The following FUT8 variants were observed in gnomAD, a reference collection of about 807,000 sequenced individuals.
FUT8 encodes alpha-(1,6)-fucosyltransferase.
Under a neutral mutation model 71.3 loss-of-function variants are expected in FUT8, and 29 were observed. That is an observed-to-expected ratio of 0.41 (90% CI 0.30 to 0.55). The LOEUF (loss-of-function observed/expected upper bound fraction) is 0.55, where lower values mean the gene tolerates loss of function less well. Among genes scored for constraint, FUT8 ranks in the 20% least tolerant of loss-of-function variants. The pLI, the probability that FUT8 is intolerant of heterozygous loss-of-function variation, is 0.34. For synonymous variants in FUT8, 254 were observed against 239.3 expected, an observed-to-expected ratio of 1.06 and a Z score of -0.57; for missense variants, 544 against 702.1, an observed-to-expected ratio of 0.77 and a Z score of 2.55.
At chr14:65,424,539 C>CTTTTTTTTTTTTTTTTTTTTTTTTTTT (rs796843891) in intron 1 of FUT8, among the ~76,000 whole-genome samples, 1 of 125,448 alleles carries the variant, frequency 8.0e-6, no homozygotes. Context: ...CTTTTCTTTT[C>CTTTTTTTTTTTTTTTTTTTTTTTTTTT]TTTTTTTTTT....
At chr14:65,383,864 CCT>C in the FUT8 span, among the ~76,000 whole-genome samples, 3 of 152,180 alleles carry the variant, frequency 2.0e-5, no homozygotes, top group Admixed American at 1.3e-4. Flanking sequence ...AAAGTGGGAA[CCT>C]CTTATCTTCC....
intron 2 of FUT8, among the ~76,000 whole-genome samples, chr14:65,482,586 G>A (rs1414133702): frequency 2.6e-5 from 4 of 152,028 alleles, no homozygotes; most frequent in Admixed American, 2.6e-4. Context: ...TGATTTCTTT[G>A]TCTTTCTTGA....
intron 2 of FUT8, among the ~76,000 whole-genome samples, chr14:65,477,448 A>G (rs1470308166): frequency 6.6e-6 from 1 of 152,184 alleles, no homozygotes; most frequent in Non-Finnish European, 1.5e-5. Flanking sequence ...TTAGTCATTT[A>G]TTCATTGAGC....
intron 2 of FUT8, among the ~76,000 whole-genome samples, chr14:65,537,474 G>A (rs1478901559): frequency 3.3e-5 from 5 of 151,958 alleles, no homozygotes; most frequent in East Asian, 3.9e-4. Context: ...TGTAAGCTCC[G>A]CCTCCCAGGT....
At chr14:65,407,990 T>C (rs1007423859), upstream of FUT8, among the ~76,000 whole-genome samples, 2 of 152,160 alleles carry the variant, frequency 1.3e-5, no homozygotes, top group African/African-American at 4.8e-5. Context: ...CAGTTTATCC[T>C]GGTCCTAATG....
In FUT8 at chr14:65,615,969, A is replaced by G. The variant is rs775852967; in HGVS notation, c.204-9A>G. On this transcript the variant is annotated splice_polypyrimidine_tract_variant and intron_variant, in intron 3 of 10. Coordinates refer to ENST00000673929, the MANE Select transcript of FUT8 (RefSeq NM_001371533.1). ...GCTAAATGTTTACATTATCTTCCCT[A>G]AACTACAGGATACCAGAAGGCCCTA... 45 of 1,586,878 alleles carry G rather than the reference A, an allele frequency of 2.8e-5. No homozygotes were observed. The highest frequency in any genetic ancestry group is 3.8e-5 in the Non-Finnish European group (44 of 1,161,638).
intron 3 of FUT8, among the ~76,000 whole-genome samples, chr14:65,593,994 G>A (rs1483973258): frequency 6.6e-6 from 1 of 152,236 alleles, no homozygotes; most frequent in African/African-American, 2.4e-5. Context: ...ACAGGCATGA[G>A]CCACTGCTCC....
intron 3 of FUT8, among the ~76,000 whole-genome samples, chr14:65,591,830 T>C (rs928165496): frequency 4.0e-5 from 6 of 151,258 alleles, no homozygotes; most frequent in Non-Finnish European, 8.9e-5. Flanking sequence ...TATTGAAGCA[T>C]TGAAGCAGGC....
At chr14:65,563,354 A>G (rs1886018652) in intron 3 of FUT8, among the ~76,000 whole-genome samples, 1 of 152,036 alleles carries the variant, frequency 6.6e-6, no homozygotes, top group Non-Finnish European at 1.5e-5. Flanking sequence ...AGATGTTAGT[A>G]CCATTTTTGT....
chr14:65,435,934 T>A (rs1418429963), intron 1 of FUT8, among the ~76,000 whole-genome samples: 1 of 150,924 alleles, frequency 6.6e-6, no homozygotes, highest in African/African-American at 2.4e-5. Context: ...TTTTTTTTTT[T>A]TTTTTTCTTT....
chr14:65,424,353 CAG>C (rs1359023198), intron 1 of FUT8, among the ~76,000 whole-genome samples: 11 of 152,066 alleles, frequency 7.2e-5, no homozygotes, highest in African/African-American at 2.7e-4. Flanking sequence ...TCTTTTGAGA[CAG>C]GGTTTCTCTC....
At chr14:65,378,251 C>A in the FUT8 span, among the ~76,000 whole-genome samples, 4 of 152,144 alleles carry the variant, frequency 2.6e-5, no homozygotes, top group Middle Eastern at 3.4e-3. Context: ...AGGTGAGCTG[C>A]TAAGAAAGAG....
At chr14:65,529,094 C>G (rs891642041) in intron 2 of FUT8, 27 of 163,172 alleles carry the variant, frequency 1.7e-4, no homozygotes, top group Admixed American at 8.5e-4. Flanking sequence ...ATGACATAAC[C>G]TCTTTACACC....
rs2066448899 is a variant in FUT8, at chr14:65,489,128, C to G, written c.-228+33410C>G. Among the ~76,000 whole-genome samples, 1 of 152,082 alleles carries G rather than the reference C, an allele frequency of 6.6e-6. No homozygotes were observed. The highest frequency in any genetic ancestry group is 1.5e-5 in the Non-Finnish European group (1 of 67,994). On this transcript the variant is annotated intron_variant, in intron 2 of 10. Transcript: ENST00000673929. The surrounding 1 kb of genome is among the most constrained non-coding windows in gnomAD (Gnocchi z 4.0). Reference sequence around the variant, plus strand: ...TAGAAAGTTATGATTTTTTGTTGTTCAGCAAATTATCATGAAAAATTCAAT... The same window carrying G: ...TAGAAAGTTATGATTTTTTGTTGTTGAGCAAATTATCATGAAAAATTCAAT...
At chr14:65,435,786 TTTTC>T (rs1304758369) in intron 1 of FUT8, among the ~76,000 whole-genome samples, 2 of 146,174 alleles carry the variant, frequency 1.4e-5, no homozygotes, top group Admixed American at 6.7e-5. Flanking sequence ...ATCTGTTCCT[TTTTC>T]TTTCTTTTTT....
At chr14:65,723,452 T>G (rs1380898988) in intron 8 of FUT8, among the ~76,000 whole-genome samples, 2 of 152,216 alleles carry the variant, frequency 1.3e-5, no homozygotes, top group Non-Finnish European at 2.9e-5. Flanking sequence ...TTGGGGCTTT[T>G]CTTAAATATG....
chr14:65,637,529 A>C (rs1168283874), intron 6 of FUT8, among the ~76,000 whole-genome samples: 1 of 152,180 alleles, frequency 6.6e-6, no homozygotes, highest in Non-Finnish European at 1.5e-5. Context: ...TTGATATTTT[A>C]AGCAAAATTA....
chr14:65,438,543 T>C (rs1309600719), intron 1 of FUT8, among the ~76,000 whole-genome samples: 1 of 152,144 alleles, frequency 6.6e-6, no homozygotes, highest in Admixed American at 6.6e-5. Context: ...GTAAGGATGG[T>C]AGAATGGAGA....
intron 7 of FUT8, among the ~76,000 whole-genome samples, chr14:65,677,151 T>TGTGTGTGTGTGTGCGCGCGCGCGC: frequency 1.7e-4 from 19 of 110,692 alleles, no homozygotes; most frequent in Non-Finnish European, 2.7e-4. Context: ...TGTGTGTGTG[T>TGTGTGTGTGTGTGCGCGCGCGCGC]GCGCGCGCGC....
Sources: gnomAD v4.1 joint callset for allele counts (sites outside exome capture counted in the v4.1 genomes callset) on GRCh38, gnomAD v4.1.1 for gene constraint, Gnocchi (gnomAD v3.1) non-coding constraint, MANE v1.5 for transcripts, NCBI Gene and HGNC (gene_info 2026-07-23, HGNC 2026-07-21) for gene names.